CELF4: variants seen among roughly 807,000 people sequenced by gnomAD.
CELF4 encodes CUGBP Elav-like family member 4, also known as CUG-BP- and ETR-3-like factor 4.
Under a neutral mutation model 59.9 loss-of-function variants are expected in CELF4, and 18 were observed. The ratio of observed to expected loss-of-function variants is 0.30; its 90% confidence interval spans 0.21 to 0.45. The LOEUF (loss-of-function observed/expected upper bound fraction) is 0.45. Among genes scored for constraint, CELF4 ranks in the 20% least tolerant of loss-of-function variants. The probability of loss-of-function intolerance (pLI) is 1.00; values close to 1 mark genes in which losing one functional copy is unlikely to be tolerated. For synonymous variants in CELF4, 261 were observed against 267.1 expected (o/e 0.98, Z 0.22); for missense variants, 456 against 689.0 (o/e 0.66, Z 3.79).
intron 2 of CELF4, among the ~76,000 whole-genome samples, chr18:37,387,388 C>A (rs2099110985): frequency 6.6e-6 from 1 of 152,204 alleles, no homozygotes; most frequent in Non-Finnish European, 1.5e-5. Context: ...TGGGATGAGG[C>A]CTGGATACCC....
intron 2 of CELF4, among the ~76,000 whole-genome samples, chr18:37,372,703 AAC>A (rs1168745274): frequency 2.6e-5 from 4 of 152,206 alleles, no homozygotes; most frequent in African/African-American, 7.2e-5. Flanking sequence ...TTTATAAACA[AAC>A]ACAGCATAGA....
At chr18:37,464,268 T>A (rs911022235) in intron 2 of CELF4, among the ~76,000 whole-genome samples, 1 of 142,602 alleles carries the variant, frequency 7.0e-6, no homozygotes, top group Non-Finnish European at 1.5e-5. Flanking sequence ...GGCAGGAAGG[T>A]TGGCTGGAGA....
At chr18:37,435,174 G>C (rs1569569404) in intron 2 of CELF4, among the ~76,000 whole-genome samples, 2 of 152,130 alleles carry the variant, frequency 1.3e-5, no homozygotes, top group Non-Finnish European at 2.9e-5. Flanking sequence ...ACCTGACTGT[G>C]AACAAACCCC....
chr18:37,444,597 C>G (rs1020026098), intron 2 of CELF4, among the ~76,000 whole-genome samples: 2 of 147,594 alleles, frequency 1.4e-5, no homozygotes, highest in African/African-American at 2.5e-5. Context: ...CATGCTCTCT[C>G]TCTCTCTCTC....
At chr18:37,442,799 G>A (rs543324925) in intron 2 of CELF4, among the ~76,000 whole-genome samples, 9 of 152,180 alleles carry the variant, frequency 5.9e-5, no homozygotes, top group Non-Finnish European at 8.8e-5. Context: ...TTACGGAGGC[G>A]CCTTGCAATT....
chr18:37,248,951 C>CAGGGAGGGAGGG (rs113251007), intron 12 of CELF4, among the ~76,000 whole-genome samples: 1 of 148,928 alleles, frequency 6.7e-6, no homozygotes. Flanking sequence ...TGCTTTCCTG[C>CAGGGAGGGAGGG]AGGGAGGGAG....
At chr18:37,471,021 G>A (rs1433010699) in intron 2 of CELF4, among the ~76,000 whole-genome samples, 3 of 152,074 alleles carry the variant, frequency 2.0e-5, no homozygotes, top group East Asian at 1.9e-4. Context: ...CCAGCACTGC[G>A]TAGCCTGCCC....
chr18:37,479,182 C>G (rs1023719774), intron 2 of CELF4, among the ~76,000 whole-genome samples: 1 of 152,236 alleles, frequency 6.6e-6, no homozygotes, highest in Non-Finnish European at 1.5e-5. Flanking sequence ...CCCGTACTCC[C>G]CACCTACCCG....
At chr18:37,412,244 C>T (rs1244945878) in intron 2 of CELF4, among the ~76,000 whole-genome samples, 1 of 152,176 alleles carries the variant, frequency 6.6e-6, no homozygotes, top group East Asian at 1.9e-4. Flanking sequence ...ACGGAGACTG[C>T]TTATGGCATG....
intron 1 of CELF4, among the ~76,000 whole-genome samples, chr18:37,497,226 C>T (rs16968980): frequency 0.046 from 6,942 of 152,224 alleles, 416 homozygotes; most frequent in African/African-American, 0.14. Context: ...CAAGACCCAA[C>T]AAACCATGTG....
chr18:37,265,339 T>C (rs1209988671), intron 9 of CELF4, among the ~76,000 whole-genome samples: 2 of 152,124 alleles, frequency 1.3e-5, no homozygotes, highest in African/African-American at 2.4e-5. Flanking sequence ...TTTCAAATAG[T>C]GGATGAACCA....
chr18:37,480,398 A>G lies in CELF4; in HGVS notation c.369+5127T>C, dbSNP rs76316481. 4.0e-3 allele frequency among the ~76,000 whole-genome samples: 603 copies of G among 152,356 alleles called. 4 individuals are homozygous for G. The highest frequency in any genetic ancestry group is 0.014 in the African/African-American group (569 of 41,580). ...TTGCACCGATCACTAGAAATTGTAA[A>G]ACTACCCCGAAGAATTAACAGCCTC... On this transcript the variant is annotated intron_variant, in intron 2 of 12. Coordinates refer to ENST00000420428, the MANE Select transcript of CELF4 (RefSeq NM_020180.4).
At chr18:37,313,612 G>A (rs1408970728) in intron 3 of CELF4, among the ~76,000 whole-genome samples, 1 of 152,200 alleles carries the variant, frequency 6.6e-6, no homozygotes, top group African/African-American at 2.4e-5. Flanking sequence ...TCCCACCGCA[G>A]CCACTGGACG....
At chr18:37,543,099 C>T (rs1303994947) in intron 1 of CELF4, among the ~76,000 whole-genome samples, 1 of 152,182 alleles carries the variant, frequency 6.6e-6, no homozygotes, top group Non-Finnish European at 1.5e-5. Context: ...CTTCCCATCC[C>T]CAGCCTCCAA....
At chr18:37,304,447 A>C (rs1203963680) in intron 3 of CELF4, among the ~76,000 whole-genome samples, 3 of 132,294 alleles carry the variant, frequency 2.3e-5, no homozygotes, top group Non-Finnish European at 4.9e-5. Flanking sequence ...GAACAGCCAA[A>C]AGGCCCATGG....
intron 2 of CELF4, among the ~76,000 whole-genome samples, chr18:37,470,887 T>TGTGTGTGTGA (rs1325788685): frequency 9.7e-5 from 7 of 71,928 alleles, no homozygotes; most frequent in African/African-American, 3.2e-4. Context: ...TGTGTGTGTG[T>TGTGTGTGTGA]GACAGAGAGA....
At chr18:37,409,813 G>C (rs2154591877) in intron 2 of CELF4, among the ~76,000 whole-genome samples, 1 of 152,264 alleles carries the variant, frequency 6.6e-6, no homozygotes, top group Non-Finnish European at 1.5e-5. Flanking sequence ...TCTTGCTTTA[G>C]GTTTCATGCT....
At chr18:37,396,827 C>T (rs1280013586) in intron 2 of CELF4, among the ~76,000 whole-genome samples, 1 of 152,186 alleles carries the variant, frequency 6.6e-6, no homozygotes, top group Non-Finnish European at 1.5e-5. Context: ...ACGTGTGTTC[C>T]TCCCAGACAG....
intron 1 of CELF4, among the ~76,000 whole-genome samples, chr18:37,519,821 C>T (rs918454875): frequency 6.6e-6 from 1 of 152,204 alleles, no homozygotes; most frequent in Non-Finnish European, 1.5e-5. Flanking sequence ...TGGTCATGAA[C>T]TGCTCCAGCC....
Sources: allele counts gnomAD v4.1 joint callset (sites outside exome capture counted in the v4.1 genomes callset), GRCh38; gene constraint gnomAD v4.1.1; transcripts MANE v1.5; gene names NCBI Gene and HGNC (gene_info 2026-07-23, HGNC 2026-07-21).